Variants in COL6A6 observed in about 807,000 individuals in gnomAD.
The protein encoded by COL6A6 is collagen alpha-6(VI) chain.
In COL6A6, 183 loss-of-function variants were observed where a neutral mutation model predicts 208.6. The ratio of observed to expected loss-of-function variants is 0.88; its 90% CI spans 0.78 to 0.99. COL6A6 has a LOEUF of 0.99. Ranked by LOEUF, COL6A6 falls within the 50% of genes least tolerant of loss-of-function variation. The pLI, the probability that COL6A6 is intolerant of heterozygous loss-of-function variation, is 0.00. For synonymous variants in COL6A6, 973 were observed against 1,011.8 expected (o/e 0.96, Z 0.73); for missense variants, 2,816 against 2,815.2 (o/e 1.00, Z -0.01).
chr3:130,527,554 T>C (rs914001428), intron 1 of COL6A6, among the ~76,000 whole-genome samples: 1 of 152,236 alleles, frequency 6.6e-6, no homozygotes, highest in African/African-American at 2.4e-5. Context: ...TCCTCTGTTC[T>C]CTTGGAAGAC....
chr3:130,649,310 A>G lies in COL6A6; in HGVS notation c.5481A>G (p.Glu1827=). The change falls in exon 33 of 37, where the codon GAA becomes GAG. Residue 1827 remains glutamate (E), a synonymous_variant. Transcript: ENST00000358511. ...DAYKKSQLLR[E]IETIPYERSS... is the part of the protein sequence containing the mutation. ...ACAAGAAGAGTCAACTTCTCAGAGA[A>G]ATTGAAACTATTCCTTATGAGAGAT... is the stretch of plus-strand genomic sequence containing the variant. 1 of 1,607,340 alleles carries G rather than the reference A, an allele frequency of 6.2e-7. No individual in the cohort carries two copies. Among genetic ancestry groups the G allele is most frequent in the Admixed American group, 1.7e-5 (1 of 59,056 alleles).
chr3:130,657,538 GC>G (rs1221721872), intron 33 of COL6A6, among the ~76,000 whole-genome samples: 1 of 152,200 alleles, frequency 6.6e-6, no homozygotes, highest in Non-Finnish European at 1.5e-5. Context: ...CTGAAGCATA[GC>G]CGCTATGATT....
chr3:130,547,583 A>G (rs4461394), intron 1 of COL6A6, among the ~76,000 whole-genome samples: 120,767 of 152,258 alleles, frequency 0.79, 48,662 homozygotes, highest in Non-Finnish European at 0.86. Context: ...GGGGCTGAGA[A>G]CGAGTGAGGG....
At chr3:130,539,500 G>C (rs1286347832) in intron 1 of COL6A6, among the ~76,000 whole-genome samples, 4 of 152,168 alleles carry the variant, frequency 2.6e-5, no homozygotes, top group Admixed American at 2.0e-4. Flanking sequence ...CGGGTGTGGT[G>C]GTGGGCGCCT....
At chr3:130,551,775 A>C (rs767683421) in intron 1 of COL6A6, among the ~76,000 whole-genome samples, 18 of 151,910 alleles carry the variant, frequency 1.2e-4, no homozygotes, top group Admixed American at 5.2e-4. Flanking sequence ...GATATTTCTA[A>C]GTTTTTGATG....
At chr3:130,645,143 G>A in intron 32 of COL6A6, 141 bp downstream of exon 32, 1 of 776,820 alleles carries the variant, frequency 1.3e-6, no homozygotes, top group East Asian at 2.5e-5. Flanking sequence ...CATACTGGTA[G>A]CAGAGTCTTG....
chr3:130,593,387 T>G, intron 17 of COL6A6, 135 bp downstream of exon 17: 1 of 710,750 alleles, frequency 1.4e-6, no homozygotes, highest in South Asian at 1.7e-5. Flanking sequence ...CATACAACGA[T>G]GAACATTTAT....
At position 130,563,083 on chromosome 3, in the gene COL6A6, A is replaced by T. The variant is rs766305025; in HGVS notation, c.80A>T (p.Asp27Val). ...GGTTTTGCAGGCCCTGAGTATGCAGATGTTGTGTTTTTGGTGGACAGCTCT... is the reference window on the plus strand; with the variant it reads ...GGTTTTGCAGGCCCTGAGTATGCAGTTGTTGTGTTTTTGGTGGACAGCTCT... The part of the protein sequence containing the change: ...VNQDSGPEYA[D>V]VVFLVDSSDR... Residue 27 changes from aspartate to valine, a missense_variant, in exon 3 of 37, where the codon GAT (aspartate) becomes GTT (valine). Physicochemically the swap from Asp to Val is radical, Grantham distance 152. Coordinates refer to ENST00000358511, the MANE Select transcript of COL6A6 (RefSeq NM_001102608.3). The T allele has an allele frequency of 6.2e-7, 1 of 1,611,606 alleles. No individual in the cohort carries two copies. The highest frequency in any genetic ancestry group is 8.5e-7 in the Non-Finnish European group (1 of 1,178,408).
At chr3:130,522,952 C>G (rs1488785727) in intron 1 of COL6A6, among the ~76,000 whole-genome samples, 3 of 151,564 alleles carry the variant, frequency 2.0e-5, no homozygotes, top group African/African-American at 7.3e-5. Context: ...GCATTCTCCA[C>G]ACTTCAGCCT....
At chr3:130,556,182 C>T (rs553764300) in intron 1 of COL6A6, among the ~76,000 whole-genome samples, 15 of 152,276 alleles carry the variant, frequency 9.9e-5, no homozygotes, top group East Asian at 1.9e-4. Flanking sequence ...AATGGCCTAC[C>T]GTTCCATCCA....
chr3:130,535,667 T>G lies in COL6A6; in HGVS notation c.-32+18270T>G, dbSNP rs79013628. 6.1e-3 allele frequency among the ~76,000 whole-genome samples: 933 copies of G among 152,286 alleles called. 11 individuals carry two copies. Among genetic ancestry groups the G allele is most frequent in the East Asian group, 0.041 (211 of 5,172 alleles). The stretch of plus-strand genomic sequence containing the variant: ...GCCCCTAAAGAGTTTTGCCTTTGCC[T>G]CTGCAGCTGCTGAGGAGTTTCATGG... On this transcript the variant is annotated intron_variant, in intron 1 of 36. Coordinates refer to ENST00000358511, the MANE Select transcript of COL6A6 (RefSeq NM_001102608.3).
chr3:130,551,365 G>T (rs1402266156), intron 1 of COL6A6, among the ~76,000 whole-genome samples: 1 of 152,096 alleles, frequency 6.6e-6, no homozygotes, highest in Non-Finnish European at 1.5e-5. Context: ...ATCTGTTCAG[G>T]AATTCAATTT....
At chr3:130,589,427 A>C (rs181462053) in intron 12 of COL6A6, among the ~76,000 whole-genome samples, 2 of 152,340 alleles carry the variant, frequency 1.3e-5, no homozygotes, top group East Asian at 3.9e-4. Flanking sequence ...TTGATTATCC[A>C]GTATTCTAGT....
In COL6A6 at chr3:130,574,373, T is replaced by C; in HGVS notation, c.3395T>C (p.Ile1132Thr). The change falls in exon 8 of 37, where the codon ATC (isoleucine) becomes ACC (threonine). Residue 1132 changes from isoleucine to threonine, a missense_variant. By Grantham distance (89) the Ile-to-Thr change is moderately conservative (BLOSUM62 -1). Transcript: ENST00000358511. ...GCCCTGAGACACAGAGGTATCGACA[T>C]CTACTCCGTGGGCATTGGGGATGTG... ...AEALRHRGID[I>T]YSVGIGDVDD... 1 of 1,614,010 alleles carries C rather than the reference T, an allele frequency of 6.2e-7. No homozygotes were observed. The highest frequency in any genetic ancestry group is 8.5e-7 in the Non-Finnish European group (1 of 1,179,906).
rs2064157338 is a variant in COL6A6 at position 130,605,584 on chromosome 3, A to G, written c.4654-1347A>G. Among the ~76,000 whole-genome samples the G allele has an allele frequency of 2.0e-5, 3 of 152,284 alleles. No individual in the cohort carries two copies. The South Asian group carries it at 6.2e-4, about 32-fold the overall frequency. ...GAAACAGCTTATTTTCCTCCCTCTG[A>G]TAGAAGATTTAGGGTTTCATCTCAT... On this transcript the variant is annotated intron_variant, in intron 20 of 36. Coordinates refer to ENST00000358511, the MANE Select transcript of COL6A6 (RefSeq NM_001102608.3).
chr3:130,582,333 CT>C (rs2063444336), intron 10 of COL6A6, among the ~76,000 whole-genome samples: 1 of 152,136 alleles, frequency 6.6e-6, no homozygotes, highest in African/African-American at 2.4e-5. Flanking sequence ...TCTTCCTGAC[CT>C]TTCCTGGAGA....
chr3:130,574,129 G>T lies in COL6A6; in HGVS notation c.3151G>T (p.Glu1051Ter). ...CCAGTTTAGCGATACCTATCACCCGGAGTTTCCACTGGGAACTTTCATAGG... is the reference window on the plus strand; with the variant it reads ...CCAGTTTAGCGATACCTATCACCCGTAGTTTCCACTGGGAACTTTCATAGG... ...AAQFSDTYHP[E>*]FPLGTFIGEK... The change falls in exon 8 of 37, where the codon GAG becomes TAG. Residue 1051 changes from glutamate (E) to a stop codon, truncating the protein, a stop_gained. Coordinates refer to ENST00000358511, the MANE Select transcript of COL6A6 (RefSeq NM_001102608.3). LOFTEE classifies it high-confidence loss of function. The T allele has an allele frequency of 3.1e-6, 5 of 1,613,982 alleles. No homozygotes were observed. Among genetic ancestry groups the T allele is most frequent in the East Asian group, 2.2e-5 (1 of 44,882 alleles).
At chr3:130,614,817 C>G (rs1359241611) in intron 23 of COL6A6, among the ~76,000 whole-genome samples, 2 of 152,118 alleles carry the variant, frequency 1.3e-5, no homozygotes, top group African/African-American at 2.4e-5. Flanking sequence ...ATAGTAATCT[C>G]TGAGAGGTCT....
At chr3:130,655,111 G>A (rs1408939913) in intron 33 of COL6A6, among the ~76,000 whole-genome samples, 1 of 152,142 alleles carries the variant, frequency 6.6e-6, no homozygotes, top group African/African-American at 2.4e-5. Context: ...TATCTTGCAA[G>A]CTCCAGAATA....
Sources: allele counts gnomAD v4.1 joint callset (sites outside exome capture counted in the v4.1 genomes callset), GRCh38; gene constraint gnomAD v4.1.1; transcripts MANE v1.5; gene names NCBI Gene and HGNC (gene_info 2026-07-23, HGNC 2026-07-21).